CSF2RA: variants seen among roughly 807,000 people sequenced by gnomAD.
CSF2RA encodes colony stimulating factor 2 receptor subunit alpha, also known as granulocyte-macrophage colony-stimulating factor receptor subunit alpha.
In CSF2RA, 42 loss-of-function variants were observed where a neutral mutation model predicts 51.6. The observed-to-expected ratio is 0.81, with a 90% CI of 0.64 to 1.05. CSF2RA has a LOEUF of 1.05. CSF2RA is among the 50% of genes least tolerant of loss of function. The probability of loss-of-function intolerance (pLI) is 0.00; values close to 1 mark genes in which losing one functional copy is unlikely to be tolerated. For missense variants in CSF2RA, 530 were observed against 501.1 expected (o/e 1.06, Z -0.55); for synonymous variants, 222 against 193.0 (o/e 1.15, Z -1.24).
At chrX:1,303,810 T>G in intron 10 of CSF2RA, 113 bp from the exon 11 acceptor site, 2 of 962,160 alleles carry the variant, frequency 2.1e-6, no homozygotes, top group Non-Finnish European at 3.4e-6. Context: ...GGCCCAGTTC[T>G]CAGCTTGACT....
intron 2 of CSF2RA, among the ~76,000 whole-genome samples, chrX:1,281,258 TCTC>T (rs1205973144): frequency 4.0e-5 from 4 of 99,670 alleles, no homozygotes; most frequent in Non-Finnish European, 8.1e-5. Context: ...TCTTCCTTCT[TCTC>T]CTCCTCCTGC....
chrX:1,310,550 C>T (rs1205121111), downstream of CSF2RA, among the ~76,000 whole-genome samples: 4 of 150,608 alleles, frequency 2.7e-5, no homozygotes, highest in African/African-American at 9.9e-5. Flanking sequence ...CGCCTGTAGT[C>T]CCAGCTACTC....
Position 1,268,850 on chromosome X carries a change from G to T in CSF2RA, c.-120G>T. The T allele has an allele frequency of 2.2e-6, 1 of 454,162 alleles. No individual in the cohort carries two copies. The highest frequency in any genetic ancestry group is 1.6e-5 in the South Asian group (1 of 64,478). The allele number at this position is 454,162 out of a possible 1,614,324, so 28.1% of individuals were successfully genotyped here. ...GGAGTCTCCGAGAGAAGAAAAGCAG[G>T]TGGAAGGAGAGGAAGCGGATGCCGT... On this transcript the variant is annotated 5_prime_UTR_variant, in exon 1 of 13. Transcript: ENST00000381529.
intron 2 of CSF2RA, among the ~76,000 whole-genome samples, chrX:1,275,071 G>A (rs1182674889): frequency 1.4e-5 from 2 of 138,178 alleles, no homozygotes; most frequent in African/African-American, 5.3e-5. Context: ...CCAGGCAGAA[G>A]AGACGCATGA....
At chrX:1,306,378 G>T (rs1223935480) in intron 12 of CSF2RA, among the ~76,000 whole-genome samples, 2 of 152,016 alleles carry the variant, frequency 1.3e-5, no homozygotes, top group African/African-American at 2.4e-5. Context: ...CGGTCGCGGT[G>T]ACTCACATCT....
At chrX:1,281,133 GCTC>G (rs1459697048) in intron 2 of CSF2RA, among the ~76,000 whole-genome samples, 2 of 27,478 alleles carry the variant, frequency 7.3e-5, no homozygotes, top group African/African-American at 3.9e-4. Context: ...TCCTCCTCCT[GCTC>G]CTCCTCCTCC....
In CSF2RA at chrX:1,309,772, C is replaced by T. The variant is rs1255273173; in HGVS notation, c.*293C>T. On this transcript the variant is annotated 3_prime_UTR_variant, in exon 13 of 13. Transcript: ENST00000381529. ...GCACGGCGGCGGACGCCCATCATCC[C>T]AGCTACTTGGGAGGCTGAGGCAGGA... The T allele has an allele frequency of 4.6e-6, 3 of 652,940 alleles. No individual in the cohort carries two copies. The highest frequency in any genetic ancestry group is 1.8e-5 in the South Asian group (1 of 56,168). The allele number at this position is 652,940 out of a possible 1,614,324, so 40.4% of individuals were successfully genotyped here.
At chrX:1,280,997 C>T (rs868579767) in intron 2 of CSF2RA, among the ~76,000 whole-genome samples, 8 of 118,720 alleles carry the variant, frequency 6.7e-5, no homozygotes, top group African/African-American at 2.4e-4. Flanking sequence ...TCCTCCTTCT[C>T]CTCCTCCTCC....
At chrX:1,274,982 T>G (rs1423490906) in intron 2 of CSF2RA, 164 bp downstream of exon 2, 1 of 385,994 alleles carries the variant, frequency 2.6e-6, no homozygotes, top group African/African-American at 2.1e-5. Flanking sequence ...CTATGACAAA[T>G]TTAACATGTC....
chrX:1,322,302 C>T, the CSF2RA span, among the ~76,000 whole-genome samples: 2,776 of 149,286 alleles, frequency 0.019, 85 homozygotes, highest in African/African-American at 0.065. Flanking sequence ...TTAGTAGAGA[C>T]GGACTTTCAC....
At position 1,309,614 on chromosome X, in the gene CSF2RA, C is replaced by T. The variant is rs373422224; in HGVS notation, c.*135C>T. ...AAAACATGACATTTGGGGCCAGGCG[C>T]GGTGGCTCACGCCTGTAATCCCAGC... On this transcript the variant is annotated 3_prime_UTR_variant, in exon 13 of 13. Transcript: ENST00000381529. 3.7e-5 allele frequency: 59 copies of T among 1,606,918 alleles called. No individual in the cohort carries two copies. The highest frequency in any genetic ancestry group is 1.0e-4 in the Admixed American group (6 of 59,960).
the CSF2RA span, among the ~76,000 whole-genome samples, chrX:1,322,729 A>C: frequency 6.6e-6 from 1 of 151,962 alleles, no homozygotes; most frequent in Non-Finnish European, 1.5e-5. Flanking sequence ...TTTTCAGGTC[A>C]AAAATTGTAG....
At chrX:1,299,377 C>A (rs1489253894) in intron 9 of CSF2RA, among the ~76,000 whole-genome samples, 7 of 152,126 alleles carry the variant, frequency 4.6e-5, no homozygotes, top group African/African-American at 1.4e-4. Context: ...CTAAACTATC[C>A]GTCTGAAGGT....
downstream of CSF2RA, among the ~76,000 whole-genome samples, chrX:1,314,344 CGCCTGCCCA>C (rs2084353962): frequency 1.5e-5 from 2 of 130,802 alleles, no homozygotes; most frequent in East Asian, 5.2e-4. Context: ...AACCCCACTG[CGCCTGCCCA>C]ACCCCACTGC....
intron 4 of CSF2RA, 116 bp from the exon 5 acceptor site, chrX:1,288,403 A>AT: frequency 1.8e-6 from 2 of 1,125,734 alleles, no homozygotes; most frequent in Non-Finnish European, 2.7e-6. Context: ...AATTGCTTGA[A>AT]CCTGGAAGGC....
intron 7 of CSF2RA, among the ~76,000 whole-genome samples, chrX:1,293,119 C>G (rs1314488694): frequency 2.0e-5 from 3 of 152,322 alleles, no homozygotes; most frequent in African/African-American, 4.8e-5. Context: ...TTAACAGCAT[C>G]TCAAGGCAAA....
At chrX:1,322,668 T>C in the CSF2RA span, among the ~76,000 whole-genome samples, 53,680 of 151,036 alleles carry the variant, frequency 0.36, 9,327 homozygotes, top group East Asian at 0.54. Flanking sequence ...TACTCAACAA[T>C]CACACAATGG....
chrX:1,317,571 T>C, the CSF2RA span, among the ~76,000 whole-genome samples: 3 of 122,412 alleles, frequency 2.5e-5, no homozygotes, highest in African/African-American at 3.7e-5. Context: ...TTATTTTATT[T>C]TATTTTTTTT....
At chrX:1,307,079 T>G (rs1372478970) in intron 12 of CSF2RA, among the ~76,000 whole-genome samples, 1 of 151,710 alleles carries the variant, frequency 6.6e-6, no homozygotes, top group East Asian at 1.9e-4. Flanking sequence ...GAGACCCCAT[T>G]GGCGCTCCTC....
Sources: allele counts gnomAD v4.1 joint callset (sites outside exome capture counted in the v4.1 genomes callset), GRCh38; gene constraint gnomAD v4.1.1; transcripts MANE v1.5; gene names NCBI Gene and HGNC (gene_info 2026-07-23, HGNC 2026-07-21).